The following PLEKHA4 variants were observed in gnomAD, a reference collection of about 807,000 sequenced individuals.
PLEKHA4 encodes the protein pleckstrin homology domain-containing family A member 4.
PLEKHA4 carries 73 observed loss-of-function variants against 94.7 expected under a neutral mutation model. That is an observed-to-expected ratio of 0.77 (90% confidence interval 0.64 to 0.94). The LOEUF (loss-of-function observed/expected upper bound fraction) is 0.94. PLEKHA4 is among the 40% of genes least tolerant of loss of function. PLEKHA4 has a pLI of 0.00. For missense variants in PLEKHA4, 1,049 were observed against 1,054.1 expected (o/e 1.00, Z 0.07); for synonymous variants, 449 against 437.1 (o/e 1.03, Z -0.34).
chr19:48,850,161 A>G (rs56177128), intron 13 of PLEKHA4, among the ~76,000 whole-genome samples: 17,794 of 151,200 alleles, frequency 0.12, 1,241 homozygotes, highest in Middle Eastern at 0.17. Context: ...AGCCGAGATC[A>G]CACCACTGCA....
At chr19:48,848,243 T>G (rs988704422) in intron 13 of PLEKHA4, among the ~76,000 whole-genome samples, 17 of 152,030 alleles carry the variant, frequency 1.1e-4, no homozygotes, top group Admixed American at 3.3e-4. Flanking sequence ...TCCCAGCACT[T>G]TGGGAGGCCG....
chr19:48,841,414 G>A, intron 16 of PLEKHA4, 104 bp from the exon 17 acceptor site: 2 of 1,267,832 alleles, frequency 1.6e-6, no homozygotes, highest in Non-Finnish European at 2.1e-6. Flanking sequence ...ATCACTTGAG[G>A]TCAGGAGTTG....
intron 6 of PLEKHA4, chr19:48,859,929 T>C (rs2036572254): frequency 1.7e-6 from 1 of 584,008 alleles, no homozygotes; most frequent in African/African-American, 1.9e-5. Context: ...CTCAGCCAGG[T>C]AGTCCAGTTT....
At chr19:48,857,732 T>A (rs2036480524) in intron 8 of PLEKHA4, among the ~76,000 whole-genome samples, 1 of 150,064 alleles carries the variant, frequency 6.7e-6, no homozygotes, top group Non-Finnish European at 1.5e-5. Flanking sequence ...TCGTTAAGAG[T>A]CATCACCACT....
chr19:48,841,752 T>G (rs567116730), intron 16 of PLEKHA4, among the ~76,000 whole-genome samples: 13 of 151,736 alleles, frequency 8.6e-5, no homozygotes, highest in African/African-American at 2.9e-4. Context: ...GCCAAGAGTT[T>G]GAGACCAGCC....
At chr19:48,860,912 A>C (rs1170838423) in intron 5 of PLEKHA4, among the ~76,000 whole-genome samples, 1 of 151,922 alleles carries the variant, frequency 6.6e-6, no homozygotes, top group African/African-American at 2.4e-5. Flanking sequence ...AAAGGAAAGG[A>C]AAGGAAAGGA....
intron 16 of PLEKHA4, 22 bp downstream of exon 16, chr19:48,845,348 A>G: frequency 6.2e-7 from 1 of 1,608,530 alleles, no homozygotes; most frequent in Non-Finnish European, 8.5e-7. Context: ...TGCAAGGATT[A>G]CAGGATGGAC....
chr19:48,860,118 TG>T (rs2036577892), intron 6 of PLEKHA4: 1 of 585,908 alleles, frequency 1.7e-6, no homozygotes, highest in South Asian at 2.1e-5. Flanking sequence ...AGTGCGTGAC[TG>T]AAGGGTCAGC....
chr19:48,861,653 C>T lies in PLEKHA4; in HGVS notation c.232G>A (p.Val78Ile), dbSNP rs749693940. 2.7e-5 allele frequency: 43 copies of T among 1,614,034 alleles called. No individual in the cohort carries two copies. In the Middle Eastern group the frequency reaches 1.6e-3, roughly 62 times the overall value. ...TAAAAGAGGCAATGGCCGGAGAGGA[C>T]GAACCAGCGGCGTTTCCAGAGACGG... ...GLRLWKRRWF[V>I]LSGHCLFYYK... The change falls in exon 4 of 20, where the codon GTC (valine) becomes ATC (isoleucine). Residue 78 changes from valine (V) to isoleucine (I), a missense_variant. Transcript: ENST00000263265.
chr19:48,847,182 C>T (rs769864704), intron 14 of PLEKHA4, among the ~76,000 whole-genome samples: 25 of 152,190 alleles, frequency 1.6e-4, no homozygotes, highest in Middle Eastern at 3.4e-3. Context: ...GTAATCCTGG[C>T]GTTTTGGAAT....
chr19:48,841,836 C>G (rs928662895), intron 16 of PLEKHA4, among the ~76,000 whole-genome samples: 2 of 152,120 alleles, frequency 1.3e-5, no homozygotes, highest in African/African-American at 4.8e-5. Flanking sequence ...CTGTCAGCTA[C>G]TCAAGAGGCT....
intron 16 of PLEKHA4, 110 bp downstream of exon 16, chr19:48,845,260 C>G: frequency 9.8e-7 from 1 of 1,017,068 alleles, no homozygotes; most frequent in Non-Finnish European, 1.5e-6. Context: ...AAGCAGTGCT[C>G]TCTCTGCTCT....
chr19:48,850,018 C>T (rs568900209), intron 13 of PLEKHA4, among the ~76,000 whole-genome samples: 183 of 152,056 alleles, frequency 1.2e-3, no homozygotes, highest in Non-Finnish European at 1.8e-3. Flanking sequence ...CAAGACCACC[C>T]TAATCAACAT....
Position 48,867,041 on chromosome 19 carries a change from A to G in PLEKHA4, c.84+496T>C, listed in dbSNP as rs564155695. Among the ~76,000 whole-genome samples the G allele has an allele frequency of 6.6e-6, 1 of 152,244 alleles. No individual in the cohort carries two copies. Among genetic ancestry groups the G allele is most frequent in the Admixed American group, 6.5e-5 (1 of 15,286 alleles). On this transcript the variant is annotated intron_variant, in intron 2 of 19. Coordinates refer to ENST00000263265, the MANE Select transcript of PLEKHA4 (RefSeq NM_020904.3). This position sits in a 1 kb window ranked among gnomAD's most constrained non-coding sequence, Gnocchi z 4.7. ...CTCTGGGCTCTGAACTTGAGAAACA[A>G]TATGTGTGGAACGGCAGGAGGAAAA...
At chr19:48,848,215 G>A (rs1267623400) in intron 13 of PLEKHA4, among the ~76,000 whole-genome samples, 175 bp from the exon 14 acceptor site, 3 of 152,056 alleles carry the variant, frequency 2.0e-5, no homozygotes, top group East Asian at 1.9e-4. Flanking sequence ...GGCTGGGCGC[G>A]GTGGCTCACG....
At chr19:48,853,631 T>C in intron 12 of PLEKHA4, 51 bp downstream of exon 12, 1 of 1,433,176 alleles carries the variant, frequency 7.0e-7, no homozygotes, top group Non-Finnish European at 9.1e-7. Flanking sequence ...CGTAACGACT[T>C]GCATAGTCCT....
chr19:48,838,035 A>C lies in PLEKHA4; in HGVS notation c.2059T>G (p.Trp687Gly). 1 of 1,613,362 alleles carries C rather than the reference A, an allele frequency of 6.2e-7. No homozygotes were observed. The highest frequency in any genetic ancestry group is 8.5e-7 in the Non-Finnish European group (1 of 1,179,554). Residue 687 changes from tryptophan (W) to glycine (G), a missense_variant, in exon 19 of 20, where the codon TGG (tryptophan) becomes GGG (glycine). Physicochemically the swap from Trp to Gly is radical, Grantham distance 184. Transcript: ENST00000263265. ...CAGTCACCTGTCATCATTCTGTGCC[A>C]CTGCGACGCCTCAGTAGCCAGGGCT... ...SQALATEASQ[W>G]HRMMTGGNLD...
At chr19:48,863,414 G>A (rs965195539) in intron 3 of PLEKHA4, among the ~76,000 whole-genome samples, 1 of 145,068 alleles carries the variant, frequency 6.9e-6, no homozygotes, top group Non-Finnish European at 1.5e-5. Flanking sequence ...CCACCATGCA[G>A]GCTAATTTAG....
rs2123089272 is a variant in PLEKHA4 at position 48,857,432 on chromosome 19, A to G, written c.1037T>C (p.Met346Thr). 6.5e-7 allele frequency: 1 copy of G among 1,539,066 alleles called. No individual in the cohort carries two copies. The highest frequency in any genetic ancestry group is 2.4e-5 in the East Asian group (1 of 42,370). ...PPRPPGTRAS[M>T]VLLPGPPLES... ...CTCCAGGATACCTACCAATAAAACC[A>G]TGGAGGCCCGGGTCCCAGGGGGCCG... The change falls in exon 9 of 20, where the codon ATG becomes ACG. Residue 346 changes from methionine to threonine, a missense_variant. Physicochemically the swap from Met to Thr is moderately conservative, Grantham distance 81. Coordinates refer to ENST00000263265, the MANE Select transcript of PLEKHA4 (RefSeq NM_020904.3).
Sources: allele counts gnomAD v4.1 joint callset (sites outside exome capture counted in the v4.1 genomes callset), GRCh38; gene constraint gnomAD v4.1.1; non-coding constraint Gnocchi (gnomAD v3.1); transcripts MANE v1.5; gene names NCBI Gene and HGNC (gene_info 2026-07-23, HGNC 2026-07-21).